The following HECA variants were observed in gnomAD, a reference collection of about 807,000 sequenced individuals.
HECA encodes HECA ribonucleoprotein granule regulator, also known as headcase protein homolog.
A neutral mutation model predicts 37.6 loss-of-function variants in HECA; 13 were observed. The ratio of observed to expected loss-of-function variants is 0.35; its 90% CI spans 0.23 to 0.55. The LOEUF is 0.55. Ranked by LOEUF, HECA falls within the 20% of genes least tolerant of loss-of-function variation. The pLI is 0.90. For missense variants in HECA, 527 were observed against 701.9 expected (o/e 0.75, Z 2.82); for synonymous variants, 307 against 291.5 (o/e 1.05, Z -0.54).
intron 1 of HECA, among the ~76,000 whole-genome samples, chr6:139,140,991 C>T (rs960220990): frequency 6.6e-5 from 10 of 152,254 alleles, no homozygotes; most frequent in African/African-American, 2.2e-4. Flanking sequence ...AGGGTTTCTC[C>T]GTGTTAGCCA....
At chr6:139,141,471 T>C (rs1774511536) in intron 1 of HECA, among the ~76,000 whole-genome samples, 1 of 152,242 alleles carries the variant, frequency 6.6e-6, no homozygotes, top group East Asian at 1.9e-4. Context: ...TTCTTATTTA[T>C]ATATTTCTGG....
rs1348445905 is a variant in HECA, at chr6:139,151,252, A to G, written c.272-15032A>G. ...AGGGAGCAGAAAGAGTGTATTTCAG[A>G]AAGTTCAGCAGGGCAGAAAAGGCCT... On this transcript the variant is annotated intron_variant, in intron 1 of 3. Transcript: ENST00000367658. 3 of 152,246 alleles carry G rather than the reference A, an allele frequency of 2.0e-5. No homozygotes were observed. The East Asian group carries it at 5.8e-4, about 29-fold the overall frequency. 9.4% of individuals were successfully genotyped at this position (152,246 alleles called of 1,614,324 possible).
intron 1 of HECA, among the ~76,000 whole-genome samples, chr6:139,155,913 T>C (rs1774705410): frequency 6.6e-6 from 1 of 152,226 alleles, no homozygotes; most frequent in Non-Finnish European, 1.5e-5. Flanking sequence ...AAGCATGTTT[T>C]CCCAAATTAT....
intron 1 of HECA, among the ~76,000 whole-genome samples, chr6:139,141,751 T>G (rs1774514912): frequency 1.7e-5 from 1 of 57,434 alleles, no homozygotes; most frequent in Non-Finnish European, 4.3e-5. Flanking sequence ...CCTAAACACC[T>G]TCTTTTTTTT....
chr6:139,166,180 A>G (rs751705906), intron 1 of HECA, 104 bp from the exon 2 acceptor site: 10 of 893,562 alleles, frequency 1.1e-5, no homozygotes, highest in Admixed American at 5.0e-5. Context: ...GCCTTTCATT[A>G]TATTCATGTC....
At chr6:139,140,988 C>T (rs9376401) in intron 1 of HECA, among the ~76,000 whole-genome samples, 101,747 of 152,006 alleles carry the variant, frequency 0.67, 35,053 homozygotes, top group African/African-American at 0.79. Context: ...GACAGGGTTT[C>T]TCCGTGTTAG....
At chr6:139,170,665 G>C (rs1286521224) in intron 2 of HECA, 1 of 152,224 alleles carries the variant, frequency 6.6e-6, no homozygotes, top group Non-Finnish European at 1.5e-5. Flanking sequence ...TCTAGAGTGG[G>C]AAAGGAGTAG....
chr6:139,166,975 C>A lies in HECA; in HGVS notation c.963C>A (p.His321Gln). 6.2e-7 allele frequency: 1 copy of A among 1,614,238 alleles called. No homozygotes were observed. Among genetic ancestry groups the A allele is most frequent in the African/African-American group, 1.3e-5 (1 of 75,084 alleles). Residue 321 changes from histidine (H) to glutamine (Q), a missense_variant, in exon 2 of 4, where the codon CAC (histidine) becomes CAA (glutamine). By Grantham distance (24) the His-to-Gln change is conservative (BLOSUM62 0). Coordinates refer to ENST00000367658, the MANE Select transcript of HECA (RefSeq NM_016217.3). Reference protein sequence around the residue: ...MAGGHVFRNAHFDYSPAGLAV... With the variant: ...MAGGHVFRNAQFDYSPAGLAV... ...GGGGCCATGTGTTCAGAAATGCCCA[C>A]TTTGATTACAGCCCTGCGGGGTTGG... is the stretch of plus-strand genomic sequence containing the variant.
At position 139,180,431 on chromosome 6, in the gene HECA, C is replaced by T. The variant is rs2114510219; in HGVS notation, c.*3326C>T. On this transcript the variant is annotated 3_prime_UTR_variant, in exon 4 of 4. Transcript: ENST00000367658. Reference sequence around the variant, plus strand: ...GCTTTTCTGTTTTGTGTCCTGGTAGCAGCTGTTGAGTAACTTTCATTGGAG... The same window carrying T: ...GCTTTTCTGTTTTGTGTCCTGGTAGTAGCTGTTGAGTAACTTTCATTGGAG... 6.5e-6 allele frequency: 1 copy of T among 152,736 alleles called. No individual in the cohort carries two copies. Among genetic ancestry groups the T allele is most frequent in the African/African-American group, 2.4e-5 (1 of 41,562 alleles). 9.5% of individuals were successfully genotyped at this position (152,736 alleles called of 1,614,324 possible).
intron 1 of HECA, among the ~76,000 whole-genome samples, chr6:139,144,808 C>T (rs1172796023): frequency 2.0e-5 from 3 of 152,240 alleles, no homozygotes; most frequent in Admixed American, 6.5e-5. Flanking sequence ...ATGGCACATG[C>T]TGCTTTTCTG....
At chr6:139,152,660 A>C (rs929039906) in intron 1 of HECA, among the ~76,000 whole-genome samples, 5 of 152,220 alleles carry the variant, frequency 3.3e-5, no homozygotes, top group African/African-American at 1.2e-4. Flanking sequence ...ATCTCATTGT[A>C]GCTCCTATAC....
chr6:139,156,115 G>A (rs1259910494), intron 1 of HECA, among the ~76,000 whole-genome samples: 1 of 150,664 alleles, frequency 6.6e-6, no homozygotes, highest in Non-Finnish European at 1.5e-5. Context: ...AACTCTTCTT[G>A]TTGCTAGAAC....
intron 2 of HECA, 52 bp from the exon 3 acceptor site, chr6:139,174,333 G>A: frequency 1.3e-6 from 2 of 1,555,700 alleles, no homozygotes; most frequent in South Asian, 1.2e-5. Flanking sequence ...CCTTGGAGAT[G>A]AAATGTGATT....
intron 1 of HECA, among the ~76,000 whole-genome samples, chr6:139,160,931 G>A (rs1251435280): frequency 6.6e-6 from 1 of 152,150 alleles, no homozygotes. Flanking sequence ...CTTTACAGAT[G>A]AGGAAACAAA....
intron 1 of HECA, among the ~76,000 whole-genome samples, chr6:139,138,680 G>A (rs1423765066): frequency 1.3e-5 from 2 of 152,138 alleles, no homozygotes; most frequent in African/African-American, 4.8e-5. Flanking sequence ...GGGAAGCCGC[G>A]GTATAGTTGT....
chr6:139,145,587 C>A (rs961030923), intron 1 of HECA, among the ~76,000 whole-genome samples: 1 of 152,140 alleles, frequency 6.6e-6, no homozygotes, highest in African/African-American at 2.4e-5. Flanking sequence ...ACTTTCTCTA[C>A]TCTCTTAGGC....
rs958067181 is a variant in HECA, at chr6:139,166,598, C to T, written c.586C>T (p.Arg196Trp). The T allele has an allele frequency of 7.4e-6, 12 of 1,614,212 alleles. No homozygotes were observed. The highest frequency in any genetic ancestry group is 1.0e-5 in the Non-Finnish European group (12 of 1,180,048). ...KKDTDWYQVK[R>W]MQDEKKKKSG... is the part of the protein sequence containing the mutation. ...GGACACAGACTGGTATCAGGTGAAGCGGATGCAGGACGAGAAAAAGAAGAA... is the reference window on the plus strand; with the variant it reads ...GGACACAGACTGGTATCAGGTGAAGTGGATGCAGGACGAGAAAAAGAAGAA... The change falls in exon 2 of 4, where the codon CGG becomes TGG. Residue 196 changes from arginine to tryptophan, a missense_variant. Coordinates refer to ENST00000367658, the MANE Select transcript of HECA (RefSeq NM_016217.3).
At chr6:139,158,702 T>C (rs1179523890) in intron 1 of HECA, among the ~76,000 whole-genome samples, 2 of 151,812 alleles carry the variant, frequency 1.3e-5, no homozygotes, top group Non-Finnish European at 2.9e-5. Flanking sequence ...AATTGGTGTT[T>C]AGGTGCCAAG....
chr6:139,142,401 C>T lies in HECA; in HGVS notation c.271+6734C>T, dbSNP rs569132423. 8.5e-4 allele frequency among the ~76,000 whole-genome samples: 130 copies of T among 152,300 alleles called. 2 individuals are homozygous for T. The South Asian group carries it at 0.011, about 13-fold the overall frequency. ...ATGCATATTCTCGTGACTTTTAATA[C>T]ATGCTGACAGATTGCCCTATTGAAA... On this transcript the variant is annotated intron_variant, in intron 1 of 3. Transcript: ENST00000367658.
Sources: allele counts gnomAD v4.1 joint callset (sites outside exome capture counted in the v4.1 genomes callset), GRCh38; gene constraint gnomAD v4.1.1; transcripts MANE v1.5; gene names NCBI Gene and HGNC (gene_info 2026-07-23, HGNC 2026-07-21).